Variants in DNAH1 observed in about 807,000 individuals in gnomAD.
The protein encoded by DNAH1 is axonemal beta dynein heavy chain 1.
DNAH1 carries 327 observed loss-of-function variants against 484.3 expected under a neutral mutation model. The ratio of observed to expected loss-of-function variants is 0.68; its 90% CI spans 0.62 to 0.74. The LOEUF (loss-of-function observed/expected upper bound fraction) is 0.74, where lower values mean the gene tolerates loss of function less well. Ranked by LOEUF, DNAH1 falls within the 30% of genes least tolerant of loss-of-function variation. DNAH1 has a pLI of 0.00. For missense variants in DNAH1, 5,052 were observed against 5,546.8 expected (o/e 0.91, Z 2.83); for synonymous variants, 2,192 against 2,191.9 (o/e 1.00, Z 0.00).
In DNAH1 at chr3:52,395,653, T is replaced by A. The variant is rs368268508; in HGVS notation, c.11234T>A (p.Leu3745His). Residue 3745 changes from leucine to histidine, a missense_variant, in exon 70 of 78, where the codon CTC (leucine) becomes CAC (histidine). Transcript: ENST00000420323. The surrounding 1 kb of genome is among the most constrained non-coding windows in gnomAD (Gnocchi z 4.4). Reference protein sequence around the residue: ...APSWMPALERLIEHINPDKVH... With the variant: ...APSWMPALERHIEHINPDKVH... ...AGCTGGATGCCAGCCCTAGAACGCC[T>A]CATCGAGCACATCAACCCCGACAAG... 1.7e-5 allele frequency: 28 copies of A among 1,613,682 alleles called. No individual in the cohort carries two copies. Among genetic ancestry groups the A allele is most frequent in the Non-Finnish European group, 2.3e-5 (27 of 1,179,888 alleles).
chr3:52,374,256 A>C, intron 44 of DNAH1: 2 of 1,491,934 alleles, frequency 1.3e-6, no homozygotes, highest in Non-Finnish European at 1.9e-6. Flanking sequence ...AGTATAATTA[A>C]TGGATTTGCC....
chr3:52,350,208 G>C, intron 15 of DNAH1, 100 bp downstream of exon 15: 1 of 1,514,028 alleles, frequency 6.6e-7, no homozygotes. Context: ...GGACTCAGGA[G>C]GCTGAGGGTA....
chr3:52,343,535 C>T (rs1158989212), intron 8 of DNAH1, among the ~76,000 whole-genome samples: 1 of 152,130 alleles, frequency 6.6e-6, no homozygotes, highest in Non-Finnish European at 1.5e-5. Context: ...TTCCAGGTTC[C>T]GAGGGAGTGA....
intron 34 of DNAH1, among the ~76,000 whole-genome samples, chr3:52,365,565 T>G (rs1406579222): frequency 6.6e-6 from 1 of 152,164 alleles, no homozygotes; most frequent in Non-Finnish European, 1.5e-5. Context: ...TGCCCTCAAA[T>G]AGACTCCCTC....
chr3:52,394,920 C>T lies in DNAH1; in HGVS notation c.10829C>T (p.Pro3610Leu). The change falls in exon 68 of 78, where the codon CCT (proline) becomes CTT (leucine). Residue 3610 changes from proline to leucine, a missense_variant. Transcript: ENST00000420323. ...IFDSLEPHRE[P>L]LPGIWDQYLD... The stretch of plus-strand genomic sequence containing the variant: ...GGTGTGGGCCACTGTTGCAGGGAGC[C>T]TTTGCCTGGCATCTGGGACCAGTAC... The T allele has an allele frequency of 6.2e-7, 1 of 1,613,480 alleles. No homozygotes were observed. Among genetic ancestry groups the T allele is most frequent in the Non-Finnish European group, 8.5e-7 (1 of 1,179,724 alleles).
In DNAH1 at chr3:52,361,132, C is replaced by T. The variant is rs761598125; in HGVS notation, c.4686-32C>T. The T allele has an allele frequency of 2.2e-5, 33 of 1,497,052 alleles. No individual in the cohort carries two copies. The highest frequency in any genetic ancestry group is 1.1e-4 in the South Asian group (8 of 71,464). 92.7% of individuals were successfully genotyped at this position (1,497,052 alleles called of 1,614,324 possible). A position where few individuals can be genotyped will look rare whatever the true frequency, so the allele number is the denominator to read the frequency against. On this transcript the variant is annotated intron_variant, in intron 28 of 77. Coordinates refer to ENST00000420323, the MANE Select transcript of DNAH1 (RefSeq NM_015512.5). The surrounding 1 kb of genome is among the most constrained non-coding windows in gnomAD (Gnocchi z 5.6). ...AAAGGGGGAGTGTCCAGGCCATGTG[C>T]GGCCCGAGCCCACCTCCTCTGTCTC...
At position 52,361,726 on chromosome 3, in the gene DNAH1, C is replaced by G; in HGVS notation, c.4940C>G (p.Ala1647Gly). The G allele has an allele frequency of 6.2e-7, 1 of 1,610,924 alleles. No individual in the cohort carries two copies. Among genetic ancestry groups the G allele is most frequent in the Non-Finnish European group, 8.5e-7 (1 of 1,178,760 alleles). Residue 1647 changes from alanine to glycine, a missense_variant, in exon 30 of 78, where the codon GCG becomes GGG. This residue lies in a region of DNAH1 where 2,929 missense variants were observed against 3,409.4 expected (regional missense o/e 0.86). Coordinates refer to ENST00000420323, the MANE Select transcript of DNAH1 (RefSeq NM_015512.5). This position sits in a 1 kb window ranked among gnomAD's most constrained non-coding sequence, Gnocchi z 5.6. Reference protein sequence around the residue: ...RIDIEVLSVVAQQITTIQKAQ... With the variant: ...RIDIEVLSVVGQQITTIQKAQ... ...GACATCGAGGTGCTGTCTGTGGTGG[C>G]GCAGCAGATCACCACCATCCAGAAG...
intron 67 of DNAH1, 82 bp downstream of exon 67, chr3:52,394,743 T>TAAG (rs1704544064): frequency 6.7e-7 from 1 of 1,495,944 alleles, no homozygotes; most frequent in African/African-American, 1.4e-5. Context: ...GCGCCTTCTC[T>TAAG]AAGGGGCCAC....
In DNAH1 at chr3:52,364,599, G is replaced by A. The variant is rs759211968; in HGVS notation, c.5245-39G>A. ...TGTTCCAGGCAGAAGCCTTGGAGAG[G>A]GACAGTGCTCACCCATGCCTCCTTC... On this transcript the variant is annotated intron_variant, in intron 32 of 77. Transcript: ENST00000420323. This position sits in a 1 kb window ranked among gnomAD's most constrained non-coding sequence, Gnocchi z 4.2. 2.5e-6 allele frequency: 4 copies of A among 1,609,430 alleles called. No individual in the cohort carries two copies. The African/African-American group carries it at 5.3e-5, about 22-fold the overall frequency.
At chr3:52,384,052 C>T (rs774237366) in intron 52 of DNAH1, 21 bp downstream of exon 52, 1 of 1,577,452 alleles carries the variant, frequency 6.3e-7, no homozygotes, top group South Asian at 1.2e-5. Context: ...TGCTGAAGCT[C>T]AGGCCCTTGG....
rs1702911390 is a variant in DNAH1, at chr3:52,362,620, G to T, written c.5094+119G>T. On this transcript the variant is annotated intron_variant, in intron 31 of 77. Transcript: ENST00000420323. The surrounding 1 kb of genome is among the most constrained non-coding windows in gnomAD (Gnocchi z 5.1). ...ACTCCAGGGACTGTGATTCCCTATG[G>T]TAGCCCCTTAGCCATGGAGGGGAGG... 1.0e-6 allele frequency: 1 copy of T among 952,674 alleles called. No individual in the cohort carries two copies. Among genetic ancestry groups the T allele is most frequent in the Admixed American group, 2.1e-5 (1 of 46,778 alleles). The allele number at this position is 952,674 out of a possible 1,614,324, so 59.0% of individuals were successfully genotyped here. A position where few individuals can be genotyped will look rare whatever the true frequency, so the allele number is the denominator to read the frequency against.
At chr3:52,312,976 A>G (rs944162478), upstream of DNAH1, among the ~76,000 whole-genome samples, 8 of 152,070 alleles carry the variant, frequency 5.3e-5, no homozygotes, top group African/African-American at 1.7e-4. Flanking sequence ...TTTAGTAGAG[A>G]CAGGGTTTCA....
rs757435709 is a variant in DNAH1 at position 52,396,739 on chromosome 3, G to A, written c.11552G>A (p.Arg3851His). 17 of 1,613,604 alleles carry A rather than the reference G, an allele frequency of 1.1e-5. No individual in the cohort carries two copies. Among genetic ancestry groups the A allele is most frequent in the East Asian group, 6.7e-5 (3 of 44,878 alleles). Residue 3851 changes from arginine to histidine, a missense_variant, in exon 72 of 78, where the codon CGC becomes CAC. Transcript: ENST00000420323. ...IPYEFTDGDL[R>H]ICISQLKMFL... ...TATGAGTTCACGGATGGAGATCTGCGCATCTGCATCAGCCAGCTCAAGATG... is the reference window on the plus strand; with the variant it reads ...TATGAGTTCACGGATGGAGATCTGCACATCTGCATCAGCCAGCTCAAGATG...
rs781529327 is a variant in DNAH1 at position 52,370,585 on chromosome 3, G to A, written c.6367G>A (p.Gly2123Ser). The A allele has an allele frequency of 6.8e-6, 11 of 1,613,434 alleles. No individual in the cohort carries two copies. Among genetic ancestry groups the A allele is most frequent in the Non-Finnish European group, 7.6e-6 (9 of 1,179,656 alleles). Residue 2123 changes from glycine to serine, a missense_variant, in exon 40 of 78, where the codon GGC becomes AGC. This residue lies in a region of DNAH1 where 2,929 missense variants were observed against 3,409.4 expected (regional missense o/e 0.86). Coordinates refer to ENST00000420323, the MANE Select transcript of DNAH1 (RefSeq NM_015512.5). ...WSVGATGDSS[G>S]RTSFSHWLRL... ...CGTGGGTGCCACTGGGGACAGCAGTGGCCGCACCAGTTTCAGCCACTGGCT... is the reference window on the plus strand; with the variant it reads ...CGTGGGTGCCACTGGGGACAGCAGTAGCCGCACCAGTTTCAGCCACTGGCT...
chr3:52,340,122 A>C (rs1383597095), intron 8 of DNAH1, among the ~76,000 whole-genome samples: 1 of 151,828 alleles, frequency 6.6e-6, no homozygotes, highest in Non-Finnish European at 1.5e-5. Flanking sequence ...TCTCACTTTC[A>C]CCCAGGCTGG....
chr3:52,367,388 C>T (rs1036342130), intron 36 of DNAH1, among the ~76,000 whole-genome samples: 1 of 151,996 alleles, frequency 6.6e-6, no homozygotes, highest in South Asian at 2.1e-4. Context: ...GTTCTGGGAG[C>T]CCTGTAGGGG....
chr3:52,328,035 G>A (rs779443585), intron 6 of DNAH1, 21 bp downstream of exon 6: 14 of 1,610,312 alleles, frequency 8.7e-6, no homozygotes, highest in Non-Finnish European at 1.2e-5. Context: ...CCACTCTGGA[G>A]TGGGGACACT....
intron 55 of DNAH1, 141 bp from the exon 56 acceptor site, chr3:52,386,521 C>A: frequency 7.8e-7 from 1 of 1,289,108 alleles, no homozygotes; most frequent in Non-Finnish European, 1.0e-6. Context: ...TGGGCTGAGG[C>A]CAACCTCGGT....
intron 1 of DNAH1, chr3:52,317,893 C>A (rs992784701): frequency 6.6e-6 from 1 of 152,338 alleles, no homozygotes; most frequent in Non-Finnish European, 1.5e-5. Flanking sequence ...CCGCACTGCT[C>A]GGTGGAACCG....
Sources: gnomAD v4.1 joint callset for allele counts (sites outside exome capture counted in the v4.1 genomes callset) on GRCh38, gnomAD v4.1.1 for gene constraint, gnomAD v4.1.1 regional missense constraint, Gnocchi (gnomAD v3.1) non-coding constraint, MANE v1.5 for transcripts, NCBI Gene and HGNC (gene_info 2026-07-23, HGNC 2026-07-21) for gene names.